The following TBC1D21 variants were observed in gnomAD, a reference collection of about 807,000 sequenced individuals.
TBC1D21 encodes TBC1 domain family member 21.
In TBC1D21, 38 loss-of-function variants were observed where a neutral mutation model predicts 46.0. That is an observed-to-expected ratio of 0.83 (90% CI 0.64 to 1.08). The LOEUF (loss-of-function observed/expected upper bound fraction) is 1.08, where lower values mean the gene tolerates loss of function less well. TBC1D21 is among the 50% of genes least tolerant of loss of function. TBC1D21 has a pLI of 0.00. For synonymous variants in TBC1D21, 151 were observed against 157.2 expected (o/e 0.96, Z 0.29); for missense variants, 415 against 417.9 (o/e 0.99, Z 0.06).
chr15:73,876,406 T>TTG (rs2068069392), intron 1 of TBC1D21, among the ~76,000 whole-genome samples: 1 of 147,434 alleles, frequency 6.8e-6, no homozygotes, highest in South Asian at 2.2e-4. Context: ...TTTTGTTTTT[T>TTG]TTTTTTTGTA....
intron 1 of TBC1D21, among the ~76,000 whole-genome samples, chr15:73,877,789 A>G (rs1167884534): frequency 1.3e-5 from 2 of 152,250 alleles, no homozygotes; most frequent in African/African-American, 2.4e-5. Context: ...ATAATTTACC[A>G]TACTAACAAA....
rs779333790 is a variant in TBC1D21 at position 73,889,152 on chromosome 15, C to T, written c.*51C>T. ...ATGCCTTCGATGGGCAGGATGAAGG[C>T]CAGGGGCACTGGAGTGAGGGAGTAG... On this transcript the variant is annotated 3_prime_UTR_variant, in exon 11 of 11. Transcript: ENST00000300504. 2 of 1,594,754 alleles carry T rather than the reference C, an allele frequency of 1.3e-6. No homozygotes were observed. Among genetic ancestry groups the T allele is most frequent in the South Asian group, 2.3e-5 (2 of 88,818 alleles).
In TBC1D21 at chr15:73,886,136, T is replaced by C. The variant is rs2068241791; in HGVS notation, c.638T>C (p.Leu213Pro). Reference protein sequence around the residue: ...VAKNLDMLSTLITFLDPVFAE... With the variant: ...VAKNLDMLSTPITFLDPVFAE... ...AAGAACCTAGACATGCTCAGCACCC[T>C]GATCACCTTCCTGGACCCCGTGTTT... The change falls in exon 7 of 11, where the codon CTG (leucine) becomes CCG (proline). Residue 213 changes from leucine to proline, a missense_variant. By Grantham distance (98) the Leu-to-Pro change is moderately conservative. Coordinates refer to ENST00000300504, the MANE Select transcript of TBC1D21 (RefSeq NM_153356.3). 6.2e-7 allele frequency: 1 copy of C among 1,614,238 alleles called. No homozygotes were observed. The highest frequency in any genetic ancestry group is 8.5e-7 in the Non-Finnish European group (1 of 1,180,032).
downstream of TBC1D21, among the ~76,000 whole-genome samples, chr15:73,894,013 A>G (rs1029050280): frequency 6.6e-6 from 1 of 152,144 alleles, no homozygotes. Flanking sequence ...TCTGATTCTG[A>G]TTTCACCCTC....
At chr15:73,896,528 T>C in the TBC1D21 span, among the ~76,000 whole-genome samples, 1 of 149,784 alleles carries the variant, frequency 6.7e-6, no homozygotes, top group African/African-American at 2.5e-5. Flanking sequence ...GTGGGGGGAG[T>C]TGGTGACAAT....
the TBC1D21 span, among the ~76,000 whole-genome samples, chr15:73,897,230 C>G: frequency 6.6e-6 from 1 of 152,162 alleles, no homozygotes; most frequent in Non-Finnish European, 1.5e-5. Context: ...GAATCGGGCC[C>G]CAGGTAATAG....
chr15:73,900,197 C>T, the TBC1D21 span, among the ~76,000 whole-genome samples: 1 of 152,180 alleles, frequency 6.6e-6, no homozygotes, highest in African/African-American at 2.4e-5. Flanking sequence ...CATATAATTC[C>T]GGGCCACTGA....
intron 8 of TBC1D21, among the ~76,000 whole-genome samples, 196 bp downstream of exon 8, chr15:73,886,808 C>T (rs573516279): frequency 6.6e-6 from 1 of 152,346 alleles, no homozygotes; most frequent in South Asian, 2.1e-4. Flanking sequence ...GTTCATTTAA[C>T]ACAAAGGCCC....
chr15:73,873,713 A>T lies in TBC1D21; in HGVS notation c.4A>T (p.Thr2Ser). M[T>S]TLSPENSLSA... ...TGTTCGGAAGACAGCAGGGGCCATG[A>T]CCACCCTCTCTCCTGAAAACAGCCT... The change falls in exon 1 of 11, where the codon ACC (threonine) becomes TCC (serine). Residue 2 changes from threonine (T) to serine (S), a missense_variant. By Grantham distance (58) the Thr-to-Ser change is moderately conservative. Transcript: ENST00000300504. 1 of 1,606,064 alleles carries T rather than the reference A, an allele frequency of 6.2e-7. No homozygotes were observed. Among genetic ancestry groups the T allele is most frequent in the Non-Finnish European group, 8.5e-7 (1 of 1,175,514 alleles).
chr15:73,873,883 G>A (rs2068012330), intron 1 of TBC1D21, 114 bp downstream of exon 1: 1 of 1,253,634 alleles, frequency 8.0e-7, no homozygotes, highest in Non-Finnish European at 1.1e-6. Context: ...CATAGAAGGT[G>A]GAGCAAGGGC....
At chr15:73,880,684 T>A (rs1336887334) in intron 1 of TBC1D21, among the ~76,000 whole-genome samples, 1 of 152,090 alleles carries the variant, frequency 6.6e-6, no homozygotes, top group Non-Finnish European at 1.5e-5. Flanking sequence ...AGCAGGAGAA[T>A]CGCTTGAACC....
chr15:73,889,016 G>A, intron 10 of TBC1D21, 53 bp from the exon 11 acceptor site: 1 of 1,606,600 alleles, frequency 6.2e-7, no homozygotes, highest in South Asian at 1.1e-5. Context: ...AAGAACCGAA[G>A]AATGAAAGGG....
At chr15:73,901,390 T>C in the TBC1D21 span, among the ~76,000 whole-genome samples, 1 of 152,324 alleles carries the variant, frequency 6.6e-6, no homozygotes, top group East Asian at 1.9e-4. Context: ...ACCTCTGCTC[T>C]TCTCTCCCCA....
chr15:73,888,373 G>A, intron 9 of TBC1D21, 57 bp from the exon 10 acceptor site: 2 of 1,464,580 alleles, frequency 1.4e-6, no homozygotes, highest in African/African-American at 1.4e-5. Context: ...GTGCCCAAGA[G>A]TGCTGGGAGA....
chr15:73,885,066 A>C lies in TBC1D21; in HGVS notation c.542A>C (p.Glu181Ala). 1 of 1,613,258 alleles carries C rather than the reference A, an allele frequency of 6.2e-7. No individual in the cohort carries two copies. The highest frequency in any genetic ancestry group is 8.5e-7 in the Non-Finnish European group (1 of 1,179,958). ...LFQLMVEHDH[E>A]TFWLFQFFLQ... Reference sequence around the variant, plus strand: ...CAGCTGATGGTGGAGCACGACCACGAGACCTTCTGGCTTTTCCAGTTCTTC... The same window carrying C: ...CAGCTGATGGTGGAGCACGACCACGCGACCTTCTGGCTTTTCCAGTTCTTC... The change falls in exon 6 of 11, where the codon GAG becomes GCG. Residue 181 changes from glutamate (E) to alanine (A), a missense_variant. Coordinates refer to ENST00000300504, the MANE Select transcript of TBC1D21 (RefSeq NM_153356.3).
chr15:73,908,896 A>G, the TBC1D21 span, among the ~76,000 whole-genome samples: 1 of 152,162 alleles, frequency 6.6e-6, no homozygotes, highest in African/African-American at 2.4e-5. Context: ...CAGACCTTCA[A>G]TCCTGCAGGC....
chr15:73,888,672 T>TTCC (rs1158360949), intron 10 of TBC1D21, among the ~76,000 whole-genome samples, 159 bp downstream of exon 10: 4 of 133,058 alleles, frequency 3.0e-5, no homozygotes, highest in Admixed American at 2.2e-4. Context: ...CCTCCTCCTC[T>TTCC]TCCTCCTCCT....
At chr15:73,891,647 T>C (rs2068337360), downstream of TBC1D21, among the ~76,000 whole-genome samples, 1 of 152,220 alleles carries the variant, frequency 6.6e-6, no homozygotes, top group Non-Finnish European at 1.5e-5. Flanking sequence ...CTGCTCCCAC[T>C]GCCTGGCCTC....
At chr15:73,886,422 T>C in intron 7 of TBC1D21, 90 bp from the exon 8 acceptor site, 1 of 1,198,038 alleles carries the variant, frequency 8.3e-7, no homozygotes, top group Admixed American at 1.8e-5. Flanking sequence ...CCAAGTGTTT[T>C]GCAGGCTCTG....
Sources: allele counts gnomAD v4.1 joint callset (sites outside exome capture counted in the v4.1 genomes callset), GRCh38; gene constraint gnomAD v4.1.1; transcripts MANE v1.5; gene names NCBI Gene and HGNC (gene_info 2026-07-23, HGNC 2026-07-21).